Variants in SFMBT2 observed in about 807,000 individuals in gnomAD.
SFMBT2 encodes Scm like with four mbt domains 2, also known as scm-like with four MBT domains protein 2.
In SFMBT2, 38 loss-of-function variants were observed where a neutral mutation model predicts 110.1. The observed-to-expected ratio is 0.35, with a 90% CI of 0.27 to 0.45. The LOEUF (loss-of-function observed/expected upper bound fraction) is 0.45. Among genes scored for constraint, SFMBT2 ranks in the 20% least tolerant of loss-of-function variants. The probability of loss-of-function intolerance (pLI) is 1.00; values close to 1 mark genes in which losing one functional copy is unlikely to be tolerated. For missense variants in SFMBT2, 1,011 were observed against 1,094.9 expected, an observed-to-expected ratio of 0.92 and a Z score of 1.08; for synonymous variants, 425 against 425.4, an observed-to-expected ratio of 1.00 and a Z score of 0.01.
chr10:7,260,535 A>G, intron 7 of SFMBT2, among the ~76,000 whole-genome samples: 1 of 152,158 alleles, frequency 6.6e-6, no homozygotes, highest in Non-Finnish European at 1.5e-5. Context: ...CTGCTTCTTC[A>G]AAGCAAGGAA....
intron 4 of SFMBT2, among the ~76,000 whole-genome samples, chr10:7,350,448 A>G (rs936783802): frequency 6.6e-6 from 1 of 152,192 alleles, no homozygotes; most frequent in Non-Finnish European, 1.5e-5. Flanking sequence ...TTCTGCACCC[A>G]TGACGGCTCC....
chr10:7,210,290 G>A lies in SFMBT2; in HGVS notation c.1331-4362C>T, dbSNP rs376251064. Among the ~76,000 whole-genome samples the A allele has an allele frequency of 1.6e-4, 24 of 152,270 alleles. 1 individual carries two copies. The highest frequency in any genetic ancestry group is 5.5e-4 in the African/African-American group (23 of 41,558). ...TTATGGCTTGGGAGGACACCTGAGT[G>A]TCTTCCTAGGAACACAGTTCTATCA... On this transcript the variant is annotated intron_variant, in intron 11 of 20. Transcript: ENST00000397167.
chr10:7,370,309 C>G lies in SFMBT2; in HGVS notation c.167G>C (p.Ser56Thr). ...WGEYLEETGASAAPHTSFKHV... is the reference protein window; with the variant it reads ...WGEYLEETGATAAPHTSFKHV... ...TTTGAATGATGTGTGGGGAGCAGCA[C>G]TTGCTCCTGTCTCTTCCAAATATTC... is the stretch of plus-strand genomic sequence containing the variant. Residue 56 changes from serine to threonine, a missense_variant, in exon 3 of 21, where the codon AGT becomes ACT. Physicochemically the swap from Ser to Thr is moderately conservative, Grantham distance 58. Transcript: ENST00000397167. 3 of 1,614,050 alleles carry G rather than the reference C, an allele frequency of 1.9e-6. No individual in the cohort carries two copies. The highest frequency in any genetic ancestry group is 2.5e-6 in the Non-Finnish European group (3 of 1,179,878).
chr10:7,268,515 A>T (rs552335198), intron 7 of SFMBT2, among the ~76,000 whole-genome samples: 43 of 147,192 alleles, frequency 2.9e-4, no homozygotes, highest in African/African-American at 1.0e-3. Context: ...GTTTTATCTA[A>T]TTTTTTTTTT....
At chr10:7,366,634 C>CCATTATCATACAATA (rs1844912913) in intron 4 of SFMBT2, among the ~76,000 whole-genome samples, 2 of 152,156 alleles carry the variant, frequency 1.3e-5, no homozygotes, top group African/African-American at 2.4e-5. Context: ...ATCGCTGCTG[C>CCATTATCATACAATA]CATTATCATA....
intron 15 of SFMBT2, among the ~76,000 whole-genome samples, chr10:7,193,144 G>A (rs1838653639): frequency 1.3e-5 from 2 of 151,996 alleles, no homozygotes; most frequent in South Asian, 2.1e-4. Flanking sequence ...TTCTATAAAC[G>A]TTCCTCTCTT....
intron 4 of SFMBT2, among the ~76,000 whole-genome samples, chr10:7,366,292 G>C (rs1461461952): frequency 6.6e-6 from 1 of 152,098 alleles, no homozygotes; most frequent in Non-Finnish European, 1.5e-5. Flanking sequence ...GTTCGATCCT[G>C]ACAAATGTCA....
chr10:7,281,334 T>C lies in SFMBT2; in HGVS notation c.772+2570A>G, dbSNP rs1210369617. ...GTTAGTGGGAGTGCAGAGCAGATGG[T>C]CCCGGCAGCAGGGAAGAGCTCGTGG... is the stretch of plus-strand genomic sequence containing the variant. On this transcript the variant is annotated intron_variant, in intron 6 of 20. Coordinates refer to ENST00000397167, the MANE Select transcript of SFMBT2 (RefSeq NM_001387889.1). 2.0e-5 allele frequency among the ~76,000 whole-genome samples: 3 copies of C among 152,226 alleles called. No homozygotes were observed. In the East Asian group the frequency reaches 5.8e-4, roughly 29 times the overall value.
At chr10:7,410,574 C>T (rs1846347070) in intron 1 of SFMBT2, among the ~76,000 whole-genome samples, 1 of 152,106 alleles carries the variant, frequency 6.6e-6, no homozygotes, top group African/African-American at 2.4e-5. Context: ...GAAGGGGACC[C>T]GGGAAGCAAA....
chr10:7,283,183 A>G (rs1326779184), intron 6 of SFMBT2, among the ~76,000 whole-genome samples: 1 of 152,250 alleles, frequency 6.6e-6, no homozygotes, highest in Non-Finnish European at 1.5e-5. Context: ...CCTGGCACAT[A>G]GTAAACATTC....
At chr10:7,191,929 G>A (rs529459212) in intron 15 of SFMBT2, among the ~76,000 whole-genome samples, 25 of 152,180 alleles carry the variant, frequency 1.6e-4, no homozygotes, top group Admixed American at 1.5e-3. Context: ...AGGCTCAGGA[G>A]TTATCATTTG....
chr10:7,164,744 G>GAA (rs1185325617), intron 20 of SFMBT2, among the ~76,000 whole-genome samples: 3 of 122,238 alleles, frequency 2.5e-5, no homozygotes, highest in Non-Finnish European at 4.9e-5. Context: ...TCCATAAAGG[G>GAA]AAACACACAC....
intron 4 of SFMBT2, among the ~76,000 whole-genome samples, chr10:7,349,858 G>T (rs1844252461): frequency 6.6e-6 from 1 of 152,004 alleles, no homozygotes; most frequent in South Asian, 2.1e-4. Context: ...GAGGACAGTG[G>T]GATTTCAAGG....
intron 4 of SFMBT2, among the ~76,000 whole-genome samples, chr10:7,320,169 A>G (rs1319797264): frequency 6.6e-6 from 1 of 152,270 alleles, no homozygotes; most frequent in Non-Finnish European, 1.5e-5. Context: ...TCATTACTTT[A>G]ATACACTGTC....
chr10:7,386,382 G>C (rs937893154), intron 1 of SFMBT2, among the ~76,000 whole-genome samples: 4 of 152,148 alleles, frequency 2.6e-5, no homozygotes, highest in Non-Finnish European at 5.9e-5. Context: ...GCCAAGGTGG[G>C]CAGATTACCT....
chr10:7,337,417 G>T (rs186042160), intron 4 of SFMBT2, among the ~76,000 whole-genome samples: 37 of 152,318 alleles, frequency 2.4e-4, no homozygotes, highest in African/African-American at 8.4e-4. Flanking sequence ...AGCCCAGTGA[G>T]AAGTGACTGG....
intron 13 of SFMBT2, chr10:7,200,893 C>T: frequency 1.8e-6 from 1 of 563,446 alleles, no homozygotes; most frequent in Non-Finnish European, 2.2e-6. Context: ...TTTCCACTAA[C>T]CTTTGATTTC....
intron 7 of SFMBT2, among the ~76,000 whole-genome samples, chr10:7,263,021 T>C (rs1711919007): frequency 6.6e-6 from 1 of 152,134 alleles, no homozygotes. Context: ...TTCAAGTCTG[T>C]AAAGAAACGG....
At chr10:7,251,492 TCAGACAAC>T (rs139956309) in intron 7 of SFMBT2, among the ~76,000 whole-genome samples, 2,854 of 152,242 alleles carry the variant, frequency 0.019, 40 homozygotes, top group Admixed American at 0.022. Context: ...AACGTTCCTG[TCAGACAAC>T]CATGTCCCCA....
Sources: allele counts gnomAD v4.1 joint callset (sites outside exome capture counted in the v4.1 genomes callset), GRCh38; gene constraint gnomAD v4.1.1; transcripts MANE v1.5; gene names NCBI Gene and HGNC (gene_info 2026-07-23, HGNC 2026-07-21).